The following NTM variants were observed in gnomAD, a reference collection of about 807,000 sequenced individuals.
The protein encoded by NTM is IgLON family member 2.
In NTM, 13 loss-of-function variants were observed where a neutral mutation model predicts 42.1. That is an observed-to-expected ratio of 0.31 (90% CI 0.20 to 0.49). NTM has a LOEUF of 0.49. NTM is among the 20% of genes least tolerant of loss of function. NTM has a pLI of 0.99. For synonymous variants in NTM, 187 were observed against 179.2 expected (o/e 1.04, Z -0.35); for missense variants, 373 against 452.8 (o/e 0.82, Z 1.60).
At chr11:132,248,865 A>C (rs1373671191) in intron 4 of NTM, among the ~76,000 whole-genome samples, 1 of 152,188 alleles carries the variant, frequency 6.6e-6, no homozygotes, top group African/African-American at 2.4e-5. Context: ...CCTCAGCTGG[A>C]TGGGCACTGC....
intron 1 of NTM, among the ~76,000 whole-genome samples, chr11:131,420,106 G>A (rs1947348858): frequency 6.6e-6 from 1 of 152,198 alleles, no homozygotes; most frequent in South Asian, 2.1e-4. Context: ...GTCCCTAAGG[G>A]TGTCTAGGCC....
intron 3 of NTM, among the ~76,000 whole-genome samples, chr11:132,173,357 C>T (rs993497583): frequency 1.1e-4 from 17 of 152,118 alleles, no homozygotes; most frequent in African/African-American, 3.1e-4. Flanking sequence ...GAGTGTGCAG[C>T]GAAGTGGGGT....
intron 1 of NTM, among the ~76,000 whole-genome samples, chr11:131,759,710 G>C (rs1180280069): frequency 1.3e-5 from 2 of 151,102 alleles, no homozygotes; most frequent in African/African-American, 4.9e-5. Flanking sequence ...GGCTTGTTAG[G>C]GCTTATTTTC....
chr11:131,530,619 C>T (rs540069355), intron 1 of NTM, among the ~76,000 whole-genome samples: 32 of 152,240 alleles, frequency 2.1e-4, no homozygotes, highest in South Asian at 1.2e-3. Context: ...CATGCCAAGG[C>T]GCCAGAGGTC....
intron 1 of NTM, among the ~76,000 whole-genome samples, chr11:131,410,661 A>G (rs1463577801): frequency 6.6e-6 from 1 of 152,098 alleles, no homozygotes; most frequent in African/African-American, 2.4e-5. Flanking sequence ...CCTTAACGGA[A>G]GAATATATCC....
At chr11:131,673,494 TTTC>T (rs1026630366) in intron 1 of NTM, among the ~76,000 whole-genome samples, 3 of 152,234 alleles carry the variant, frequency 2.0e-5, no homozygotes, top group African/African-American at 7.2e-5. Context: ...TGTGTGTGTC[TTTC>T]TTCTTATCTC....
At chr11:132,210,388 G>T (rs1305673086) in intron 3 of NTM, among the ~76,000 whole-genome samples, 1 of 152,176 alleles carries the variant, frequency 6.6e-6, no homozygotes, top group Non-Finnish European at 1.5e-5. Flanking sequence ...TGGGAAGGTG[G>T]TTCCCTTGAA....
chr11:131,733,960 A>G (rs1249932645), intron 1 of NTM, among the ~76,000 whole-genome samples: 1 of 152,216 alleles, frequency 6.6e-6, no homozygotes, highest in Non-Finnish European at 1.5e-5. Flanking sequence ...ATAATGTTGT[A>G]AAGAGTAGTG....
chr11:131,640,015 T>C (rs1299206798), intron 1 of NTM, among the ~76,000 whole-genome samples: 1 of 151,930 alleles, frequency 6.6e-6, no homozygotes, highest in African/African-American at 2.4e-5. Flanking sequence ...AAAAAGTGAA[T>C]GGCCCAATTT....
chr11:131,451,357 T>G (rs1228112935), intron 1 of NTM, among the ~76,000 whole-genome samples: 1 of 152,176 alleles, frequency 6.6e-6, no homozygotes, highest in African/African-American at 2.4e-5. Flanking sequence ...TTAGTACAGA[T>G]AATTAGAAAA....
At chr11:132,061,051 G>A (rs1041871583) in intron 2 of NTM, among the ~76,000 whole-genome samples, 7 of 152,160 alleles carry the variant, frequency 4.6e-5, no homozygotes, top group Admixed American at 3.9e-4. Flanking sequence ...TGAAGATATA[G>A]TAGTGCTGCA....
chr11:132,169,674 A>G (rs1299979314), intron 3 of NTM, among the ~76,000 whole-genome samples: 1 of 152,056 alleles, frequency 6.6e-6, no homozygotes, highest in Non-Finnish European at 1.5e-5. Context: ...TGGCAGTATC[A>G]TTGACTGAGG....
intron 2 of NTM, among the ~76,000 whole-genome samples, chr11:132,080,665 A>T (rs1483743163): frequency 6.6e-6 from 1 of 152,174 alleles, no homozygotes; most frequent in Admixed American, 6.5e-5. Flanking sequence ...CCTGTTCTGT[A>T]TGAGTGCTGG....
chr11:132,262,614 G>A (rs1484829609), intron 4 of NTM, among the ~76,000 whole-genome samples: 1 of 151,932 alleles, frequency 6.6e-6, no homozygotes, highest in African/African-American at 2.4e-5. Context: ...TTCCATTCAC[G>A]AGGACTCCAC....
intron 2 of NTM, among the ~76,000 whole-genome samples, chr11:132,084,595 A>T (rs770235486): frequency 2.6e-5 from 4 of 152,164 alleles, no homozygotes; most frequent in Non-Finnish European, 4.4e-5. Context: ...GGTTTAAAAC[A>T]CTTGATGTTG....
intron 1 of NTM, among the ~76,000 whole-genome samples, chr11:131,589,307 T>C (rs2059159147): frequency 6.6e-6 from 1 of 152,132 alleles, no homozygotes; most frequent in Non-Finnish European, 1.5e-5. Context: ...CAGGGCTTTT[T>C]TCTCTTCCCT....
At chr11:131,951,331 A>G (rs2060959145) in intron 2 of NTM, among the ~76,000 whole-genome samples, 1 of 152,110 alleles carries the variant, frequency 6.6e-6, no homozygotes, top group South Asian at 2.1e-4. Context: ...CTTAACAGCC[A>G]TTAGCCTAAT....
intron 1 of NTM, among the ~76,000 whole-genome samples, chr11:131,388,301 G>A (rs7130653): frequency 0.022 from 3,317 of 152,072 alleles, 110 homozygotes; most frequent in African/African-American, 0.076. Context: ...GATTCCCTTT[G>A]GCTAGGGCTG....
At chr11:132,076,260 A>G (rs896379165) in intron 2 of NTM, among the ~76,000 whole-genome samples, 2 of 152,178 alleles carry the variant, frequency 1.3e-5, no homozygotes, top group Non-Finnish European at 2.9e-5. Flanking sequence ...GGACTACACT[A>G]TTACTGCTGC....
Sources: gnomAD v4.1 joint callset for allele counts (sites outside exome capture counted in the v4.1 genomes callset) on GRCh38, gnomAD v4.1.1 for gene constraint, MANE v1.5 for transcripts, NCBI Gene and HGNC (gene_info 2026-07-23, HGNC 2026-07-21) for gene names.